The following CLIP3 variants were observed in gnomAD, a reference collection of about 807,000 sequenced individuals.
CLIP3 encodes the protein CAP-Gly domain containing linker protein 3.
CLIP3 carries 15 observed loss-of-function variants against 59.4 expected under a neutral mutation model. The observed-to-expected ratio is 0.25, with a 90% CI of 0.17 to 0.39. The LOEUF (loss-of-function observed/expected upper bound fraction) is 0.39. CLIP3 is among the 10% of genes least tolerant of loss of function. CLIP3 has a pLI of 1.00. For missense variants in CLIP3, 495 were observed against 765.7 expected, an observed-to-expected ratio of 0.65 and a Z score of 4.17; for synonymous variants, 300 against 321.6, an observed-to-expected ratio of 0.93 and a Z score of 0.72.
At chr19:36,019,702 A>G (rs539881665) in intron 7 of CLIP3, among the ~76,000 whole-genome samples, 236 of 151,310 alleles carry the variant, frequency 1.6e-3, no homozygotes, top group Non-Finnish European at 2.8e-3. Flanking sequence ...TCCTGGGTTC[A>G]AGCAATTCTC....
chr19:36,027,108 C>G, intron 3 of CLIP3, 24 bp downstream of exon 3: 1 of 1,592,242 alleles, frequency 6.3e-7, no homozygotes, highest in Non-Finnish European at 8.5e-7. Context: ...TCCCCTCTCC[C>G]CCTGGTTTCC....
chr19:36,032,359 G>C lies in CLIP3; in HGVS notation c.-2C>G, dbSNP rs1969288984. The C allele has an allele frequency of 8.0e-7, 1 of 1,250,030 alleles. No individual in the cohort carries two copies. Among genetic ancestry groups the C allele is most frequent in the Non-Finnish European group, 1.0e-6 (1 of 987,836 alleles). The allele number at this position is 1,250,030 out of a possible 1,614,324, so 77.4% of individuals were successfully genotyped here. On this transcript the variant is annotated 5_prime_UTR_variant, in exon 2 of 14. Transcript: ENST00000360535. The surrounding 1 kb of genome is among the most constrained non-coding windows in gnomAD (Gnocchi z 4.3). ...CGGGGCAGGATCTGTCTTAGTCATG[G>C]TCCTCGGTGGCCCTCGGGGGGCGGG...
chr19:36,019,598 A>ATTTATTTTT (rs1568540451), intron 7 of CLIP3, among the ~76,000 whole-genome samples: 1 of 99,396 alleles, frequency 1.0e-5, no homozygotes, highest in African/African-American at 4.6e-5. Flanking sequence ...TTATTTATTT[A>ATTTATTTTT]TTTTATTTAT....
rs542186148 is a variant in CLIP3 at position 36,017,531 on chromosome 19, G to A, written c.1452-81C>T. The A allele has an allele frequency of 3.7e-5, 59 of 1,601,182 alleles. No homozygotes were observed. The African/African-American group carries it at 6.0e-4, about 16-fold the overall frequency. On this transcript the variant is annotated intron_variant, in intron 11 of 13. Coordinates refer to ENST00000360535, the MANE Select transcript of CLIP3 (RefSeq NM_015526.3). Reference sequence around the variant, plus strand: ...TGAGAGCTGGGCCCCAGGGATCTATGAGGAAAGGGCTGGGGGCTCGGGGGT... The same window carrying A: ...TGAGAGCTGGGCCCCAGGGATCTATAAGGAAAGGGCTGGGGGCTCGGGGGT...
chr19:36,021,967 C>T (rs1968962601), intron 7 of CLIP3, among the ~76,000 whole-genome samples: 1 of 151,974 alleles, frequency 6.6e-6, no homozygotes, highest in South Asian at 2.1e-4. Flanking sequence ...CAAGCTCCGC[C>T]TCCTGGGTTC....
intron 2 of CLIP3, among the ~76,000 whole-genome samples, chr19:36,031,537 C>G (rs1175956527): frequency 6.6e-6 from 1 of 152,124 alleles, no homozygotes; most frequent in Non-Finnish European, 1.5e-5. Context: ...TCAGTTTCTC[C>G]AAGAGGCCGC....
rs1182694542 is a variant in CLIP3, at chr19:36,032,358, G to C, written c.-1C>G. ...TCGGGGCAGGATCTGTCTTAGTCATGGTCCTCGGTGGCCCTCGGGGGGCGG... is the reference window on the plus strand; with the variant it reads ...TCGGGGCAGGATCTGTCTTAGTCATCGTCCTCGGTGGCCCTCGGGGGGCGG... On this transcript the variant is annotated 5_prime_UTR_variant, in exon 2 of 14. Coordinates refer to ENST00000360535, the MANE Select transcript of CLIP3 (RefSeq NM_015526.3). The surrounding 1 kb of genome is among the most constrained non-coding windows in gnomAD (Gnocchi z 4.3). The C allele has an allele frequency of 8.0e-7, 1 of 1,250,330 alleles. No homozygotes were observed. Among genetic ancestry groups the C allele is most frequent in the Non-Finnish European group, 1.0e-6 (1 of 987,958 alleles). The allele number at this position is 1,250,330 out of a possible 1,614,324, so 77.5% of individuals were successfully genotyped here. A position where few individuals can be genotyped will look rare whatever the true frequency, so the allele number is the denominator to read the frequency against.
In CLIP3 at chr19:36,026,501, T is replaced by C; in HGVS notation, c.562+85A>G. On this transcript the variant is annotated intron_variant, in intron 5 of 13. Coordinates refer to ENST00000360535, the MANE Select transcript of CLIP3 (RefSeq NM_015526.3). This position sits in a 1 kb window ranked among gnomAD's most constrained non-coding sequence, Gnocchi z 6.3. ...CTATCTCCTCAGATCACCGTCCTCC[T>C]TCCCCTCGCAGCCTGGCCTCACCTG... 6.4e-7 allele frequency: 1 copy of C among 1,559,518 alleles called. No individual in the cohort carries two copies. Among genetic ancestry groups the C allele is most frequent in the Non-Finnish European group, 8.7e-7 (1 of 1,144,948 alleles).
Position 36,026,394 on chromosome 19 carries a change from G to A in CLIP3, c.563-129C>T. On this transcript the variant is annotated intron_variant, in intron 5 of 13. Transcript: ENST00000360535. This position sits in a 1 kb window ranked among gnomAD's most constrained non-coding sequence, Gnocchi z 6.3. ...GACGCAGAGCCCCGCCCCCACCTCG[G>A]AGCCCCCCTCTCCCTTGGCAGCCCC... The A allele has an allele frequency of 9.1e-7, 1 of 1,095,684 alleles. No individual in the cohort carries two copies. The allele number at this position is 1,095,684 out of a possible 1,614,324, so 67.9% of individuals were successfully genotyped here.
intron 2 of CLIP3, among the ~76,000 whole-genome samples, chr19:36,029,616 C>T (rs76861500): frequency 1.6e-3 from 236 of 152,106 alleles, no homozygotes; most frequent in African/African-American, 5.5e-3. Flanking sequence ...TATCATAGCT[C>T]ATATCACTAC....
Position 36,026,798 on chromosome 19 carries a change from C to T in CLIP3, c.401-51G>A. 1 of 1,573,396 alleles carries T rather than the reference C, an allele frequency of 6.4e-7. No individual in the cohort carries two copies. Among genetic ancestry groups the T allele is most frequent in the Non-Finnish European group, 8.6e-7 (1 of 1,165,114 alleles). ...GAACCCCCATTCCAGAGCATGGGCC[C>T]AGTGCACGGGGAGGACCCTGGGCTT... On this transcript the variant is annotated intron_variant, in intron 4 of 13. Transcript: ENST00000360535. The surrounding 1 kb of genome is among the most constrained non-coding windows in gnomAD (Gnocchi z 6.3).
intron 7 of CLIP3, among the ~76,000 whole-genome samples, chr19:36,019,841 G>A (rs62109711): frequency 0.099 from 15,067 of 151,682 alleles, 1,008 homozygotes; most frequent in Non-Finnish European, 0.15. Context: ...GACCTCAGGT[G>A]ATCCACCCGC....
Position 36,024,411 on chromosome 19 carries a change from C to A in CLIP3, c.903G>T (p.Leu301=). ...AGCCCCTGACCTTCTGGCCATCCAG[C>A]AGCACGCGGTCTCCCAGGCGCAAGC... ...ALGLRLGDRV[L]LDGQKTGTLR... Residue 301 remains leucine, a synonymous_variant, in exon 7 of 14, where the codon CTG becomes CTT. Coordinates refer to ENST00000360535, the MANE Select transcript of CLIP3 (RefSeq NM_015526.3). The A allele has an allele frequency of 6.2e-7, 1 of 1,613,776 alleles. No individual in the cohort carries two copies. Among genetic ancestry groups the A allele is most frequent in the Non-Finnish European group, 8.5e-7 (1 of 1,179,972 alleles).
chr19:36,027,105 T>C, intron 3 of CLIP3, 27 bp downstream of exon 3: 2 of 1,591,416 alleles, frequency 1.3e-6, no homozygotes, highest in Non-Finnish European at 1.7e-6. Context: ...GCATCCCCTC[T>C]CCCCCTGGTT....
In CLIP3 at chr19:36,026,837, T is replaced by A. The variant is rs913617037; in HGVS notation, c.401-90A>T. The A allele has an allele frequency of 3.3e-6, 5 of 1,536,148 alleles. No homozygotes were observed. In the African/African-American group the frequency reaches 6.9e-5, roughly 21 times the overall value. On this transcript the variant is annotated intron_variant, in intron 4 of 13. Coordinates refer to ENST00000360535, the MANE Select transcript of CLIP3 (RefSeq NM_015526.3). This position sits in a 1 kb window ranked among gnomAD's most constrained non-coding sequence, Gnocchi z 6.3. ...GACCCTGGGCTTCAGGGACTATACT[T>A]TGGGATCCGAAGCTTCGGGTTCCAG...
At chr19:36,024,182 G>A (rs1969028989) in intron 7 of CLIP3, among the ~76,000 whole-genome samples, 1 of 152,214 alleles carries the variant, frequency 6.6e-6, no homozygotes. Context: ...ATGACGGGTT[G>A]TTTCCCACCC....
At chr19:36,020,181 G>A (rs1968917412) in intron 7 of CLIP3, among the ~76,000 whole-genome samples, 1 of 152,156 alleles carries the variant, frequency 6.6e-6, no homozygotes. Flanking sequence ...GAGCCCAGGA[G>A]TTCAAGGGTG....
At chr19:36,023,837 C>A (rs565969751) in intron 7 of CLIP3, among the ~76,000 whole-genome samples, 25 of 152,258 alleles carry the variant, frequency 1.6e-4, no homozygotes, top group African/African-American at 5.5e-4. Flanking sequence ...CGTATGGAGC[C>A]CAAGGGACAC....
At chr19:36,018,582 CA>C (rs753224712) in intron 9 of CLIP3, among the ~76,000 whole-genome samples, 205 of 75,952 alleles carry the variant, frequency 2.7e-3, no homozygotes, top group Middle Eastern at 6.5e-3. Flanking sequence ...ACTCTTGACT[CA>C]AAAAAAAAAA....
Sources: allele counts gnomAD v4.1 joint callset (sites outside exome capture counted in the v4.1 genomes callset), GRCh38; gene constraint gnomAD v4.1.1; non-coding constraint Gnocchi (gnomAD v3.1); transcripts MANE v1.5; gene names NCBI Gene and HGNC (gene_info 2026-07-23, HGNC 2026-07-21).